The following TSPAN33 variants were observed in gnomAD, a reference collection of about 807,000 sequenced individuals.
The protein encoded by TSPAN33 is tetraspanin 33, also known as tetraspanin-33.
TSPAN33 carries 27 observed loss-of-function variants against 34.8 expected under a neutral mutation model. The ratio of observed to expected loss-of-function variants is 0.78; its 90% confidence interval spans 0.57 to 1.07. The LOEUF (loss-of-function observed/expected upper bound fraction) is 1.07. Among genes scored for constraint, TSPAN33 ranks in the 50% least tolerant of loss-of-function variants. The pLI, the probability that TSPAN33 is intolerant of heterozygous loss-of-function variation, is 0.00. For missense variants in TSPAN33, 272 were observed against 324.9 expected (o/e 0.84, Z 1.25); for synonymous variants, 119 against 124.2 (o/e 0.96, Z 0.28).
rs1190597438 is a variant in TSPAN33 at position 129,162,533 on chromosome 7, A to G, written c.288+12A>G. The G allele has an allele frequency of 6.2e-7, 1 of 1,611,036 alleles. No individual in the cohort carries two copies. Among genetic ancestry groups the G allele is most frequent in the East Asian group, 2.2e-5 (1 of 44,882 alleles). On this transcript the variant is annotated intron_variant, in intron 3 of 7. Transcript: ENST00000486685. Reference sequence around the variant, plus strand: ...GCCTCCTGCAGACGGTGAGTGGTCAAGGCCCCACTGGAAAGACCCTGGCCC... The same window carrying G: ...GCCTCCTGCAGACGGTGAGTGGTCAGGGCCCCACTGGAAAGACCCTGGCCC...
In TSPAN33 at chr7:129,155,332, A is replaced by G. The variant is rs144224207; in HGVS notation, c.103-6347A>G. ...TAGAAGGAATAAGTTCTAGTGTTCAACAGCACAGTAGGGTGACTATAGTTA... is the reference window on the plus strand; with the variant it reads ...TAGAAGGAATAAGTTCTAGTGTTCAGCAGCACAGTAGGGTGACTATAGTTA... On this transcript the variant is annotated intron_variant, in intron 1 of 7. Transcript: ENST00000486685. Among the ~76,000 whole-genome samples, 18 of 152,372 alleles carry G rather than the reference A, an allele frequency of 1.2e-4. No homozygotes were observed. The South Asian group carries it at 2.3e-3, about 19-fold the overall frequency.
At chr7:129,153,079 A>AAAG (rs1469268318) in intron 1 of TSPAN33, among the ~76,000 whole-genome samples, 1 of 151,438 alleles carries the variant, frequency 6.6e-6, no homozygotes, top group African/African-American at 2.4e-5. Flanking sequence ...AAAAAAAAAA[A>AAAG]AAAGAAAAAG....
chr7:129,153,833 C>A (rs1354286955), intron 1 of TSPAN33, among the ~76,000 whole-genome samples: 2 of 151,806 alleles, frequency 1.3e-5, no homozygotes, highest in Non-Finnish European at 2.9e-5. Context: ...CCCAGCTACT[C>A]AGGAGGCTGA....
chr7:129,158,661 C>T (rs918720448), intron 1 of TSPAN33, among the ~76,000 whole-genome samples: 3 of 152,176 alleles, frequency 2.0e-5, no homozygotes, highest in African/African-American at 7.2e-5. Context: ...GGATAATGGC[C>T]TCCAGCTGTA....
At chr7:129,161,586 C>G (rs1287783055) in intron 1 of TSPAN33, 93 bp from the exon 2 acceptor site, 1 of 1,228,648 alleles carries the variant, frequency 8.1e-7, no homozygotes. Context: ...CCCAGGAAAG[C>G]AGTCCTTCTC....
intron 5 of TSPAN33, chr7:129,166,539 C>T: frequency 2.3e-6 from 1 of 430,630 alleles, no homozygotes; most frequent in Non-Finnish European, 4.1e-6. Context: ...AACTGTAATA[C>T]CAACAAGCAC....
At position 129,145,014 on chromosome 7, in the gene TSPAN33, G is replaced by A. The variant is rs1810498801; in HGVS notation, c.34G>A (p.Gly12Arg). Reference protein sequence around the residue: ...ARRPRAPAASGEEFSFVSPLV... With the variant: ...ARRPRAPAASREEFSFVSPLV... The stretch of plus-strand genomic sequence containing the variant: ...GAGACCCCGGGCGCCGGCCGCCTCC[G>A]GGGAGGAGTTCTCCTTCGTCAGCCC... Residue 12 changes from glycine to arginine, a missense_variant, in exon 1 of 8, where the codon GGG becomes AGG. By Grantham distance (125) the Gly-to-Arg change is moderately radical (BLOSUM62 -2). Transcript: ENST00000486685. 2.9e-6 allele frequency: 2 copies of A among 701,032 alleles called. No homozygotes were observed. The highest frequency in any genetic ancestry group is 1.5e-5 in the South Asian group (1 of 66,132). The allele number at this position is 701,032 out of a possible 1,614,324, so 43.4% of individuals were successfully genotyped here. A position where few individuals can be genotyped will look rare whatever the true frequency, so the allele number is the denominator to read the frequency against.
intron 1 of TSPAN33, among the ~76,000 whole-genome samples, chr7:129,146,648 G>C (rs1210648619): frequency 1.3e-5 from 2 of 152,154 alleles, no homozygotes; most frequent in Non-Finnish European, 2.9e-5. Flanking sequence ...TCAGCTGGAG[G>C]TTAGGGAAAA....
At position 129,167,070 on chromosome 7, in the gene TSPAN33, T is replaced by G. The variant is rs538136863; in HGVS notation, c.588+164T>G. On this transcript the variant is annotated intron_variant, in intron 6 of 7. Transcript: ENST00000486685. The surrounding 1 kb of genome is among the most constrained non-coding windows in gnomAD (Gnocchi z 4.6). ...CCCCAACCTGATGCTTCTATTAACC[T>G]CATACTCATGTAGTCCACATGGAGT... 3.9e-5 allele frequency among the ~76,000 whole-genome samples: 6 copies of G among 152,324 alleles called. No homozygotes were observed. The highest frequency in any genetic ancestry group is 1.4e-4 in the African/African-American group (6 of 41,580).
intron 1 of TSPAN33, among the ~76,000 whole-genome samples, chr7:129,158,380 C>T (rs985269161): frequency 1.3e-5 from 2 of 152,186 alleles, no homozygotes; most frequent in Non-Finnish European, 2.9e-5. Flanking sequence ...TTAACTTACT[C>T]TATGATATGT....
At chr7:129,147,893 T>C (rs1810542751) in intron 1 of TSPAN33, among the ~76,000 whole-genome samples, 1 of 152,194 alleles carries the variant, frequency 6.6e-6, no homozygotes, top group Non-Finnish European at 1.5e-5. Flanking sequence ...TGGGACCAGT[T>C]CCTACTGTTC....
chr7:129,167,744 A>C lies in TSPAN33; in HGVS notation c.751-29A>C. ...AAAACAAGGCCATCACTCACTGCTG[A>C]GTGCCCAATTCCTTCTTGCCTCTCC... On this transcript the variant is annotated intron_variant, in intron 7 of 7. Coordinates refer to ENST00000486685, the MANE Select transcript of TSPAN33 (RefSeq NM_178562.5). The surrounding 1 kb of genome is among the most constrained non-coding windows in gnomAD (Gnocchi z 4.6). 2 of 1,610,352 alleles carry C rather than the reference A, an allele frequency of 1.2e-6. No homozygotes were observed. Among genetic ancestry groups the C allele is most frequent in the Non-Finnish European group, 1.7e-6 (2 of 1,176,780 alleles).
Position 129,162,465 on chromosome 7 carries a change from C to G in TSPAN33, c.232C>G (p.Leu78Val). 6.2e-7 allele frequency: 1 copy of G among 1,614,018 alleles called. No individual in the cohort carries two copies. Residue 78 changes from leucine (L) to valine (V), a missense_variant, in exon 3 of 8, where the codon CTC becomes GTC. Leu to Val is a conservative substitution (Grantham distance 32). Coordinates refer to ENST00000486685, the MANE Select transcript of TSPAN33 (RefSeq NM_178562.5). ...LIVVGVLMFL[L>V]TFCGCIGSLR... ...CGTGGTGGGTGTCCTCATGTTCCTG[C>G]TCACCTTCTGTGGCTGCATTGGGTC...
chr7:129,164,413 C>T, intron 4 of TSPAN33, 61 bp from the exon 5 acceptor site: 1 of 1,448,394 alleles, frequency 6.9e-7, no homozygotes, highest in Non-Finnish European at 9.7e-7. Flanking sequence ...GTTATTTTTG[C>T]TGGAAGGAGC....
intron 5 of TSPAN33, 27 bp from the exon 6 acceptor site, chr7:129,166,751 C>T: frequency 6.2e-7 from 1 of 1,612,588 alleles, no homozygotes; most frequent in Non-Finnish European, 8.5e-7. Context: ...GTGGGTGATT[C>T]TTAACCTCTG....
chr7:129,153,357 A>C (rs1328142260), intron 1 of TSPAN33, among the ~76,000 whole-genome samples: 1 of 152,214 alleles, frequency 6.6e-6, no homozygotes, highest in East Asian at 1.9e-4. Context: ...ACTAAAGGCC[A>C]CTGAACTGTT....
chr7:129,166,140 A>G (rs1291227738), intron 5 of TSPAN33, among the ~76,000 whole-genome samples: 3 of 152,026 alleles, frequency 2.0e-5, no homozygotes, highest in South Asian at 2.1e-4. Flanking sequence ...GGGTTTTGCA[A>G]TATTGGCCAG....
intron 4 of TSPAN33, among the ~76,000 whole-genome samples, chr7:129,163,333 C>CTT (rs57365994): frequency 0.036 from 4,536 of 124,776 alleles, 130 homozygotes; most frequent in Admixed American, 0.075. Flanking sequence ...TTCTTTCTTT[C>CTT]TTTTTTTTTT....
intron 1 of TSPAN33, among the ~76,000 whole-genome samples, chr7:129,156,617 T>C (rs566105816): frequency 2.2e-4 from 34 of 152,358 alleles, no homozygotes; most frequent in African/African-American, 7.7e-4. Flanking sequence ...ATTTCGGTGC[T>C]CAAATTGTTC....
Sources: gnomAD v4.1 joint callset for allele counts (sites outside exome capture counted in the v4.1 genomes callset) on GRCh38, gnomAD v4.1.1 for gene constraint, Gnocchi (gnomAD v3.1) non-coding constraint, MANE v1.5 for transcripts, NCBI Gene and HGNC (gene_info 2026-07-23, HGNC 2026-07-21) for gene names.